LPAR1: variants seen among roughly 807,000 people sequenced by gnomAD.
LPAR1 encodes lysophosphatidic acid receptor 1.
In LPAR1, 5 loss-of-function variants were observed where a neutral mutation model predicts 23.8. The ratio of observed to expected loss-of-function variants is 0.21; its 90% CI spans 0.11 to 0.44. LPAR1 has a LOEUF of 0.44. Among genes scored for constraint, LPAR1 ranks in the 20% least tolerant of loss-of-function variants. LPAR1 has a pLI of 0.99. For missense variants in LPAR1, 311 were observed against 482.8 expected (o/e 0.64, Z 3.33); for synonymous variants, 160 against 164.7 (o/e 0.97, Z 0.22).
chr9:111,004,793 C>T (rs1178608846), intron 2 of LPAR1, among the ~76,000 whole-genome samples: 1 of 152,200 alleles, frequency 6.6e-6, no homozygotes, highest in Non-Finnish European at 1.5e-5. Flanking sequence ...ATTCCACAGA[C>T]ACTTATAGTC....
At chr9:110,973,844 C>T (rs2096489138) in intron 2 of LPAR1, among the ~76,000 whole-genome samples, 1 of 152,086 alleles carries the variant, frequency 6.6e-6, no homozygotes, top group Admixed American at 6.5e-5. Context: ...TGGTGATGTT[C>T]ATACTCCCTA....
intron 2 of LPAR1, among the ~76,000 whole-genome samples, chr9:110,979,834 A>G (rs1466367442): frequency 6.6e-6 from 1 of 152,150 alleles, no homozygotes; most frequent in Non-Finnish European, 1.5e-5. Flanking sequence ...GGAGAAAAAA[A>G]GGAATTCCTG....
chr9:111,003,383 G>A (rs899509577), intron 2 of LPAR1, among the ~76,000 whole-genome samples: 6 of 152,046 alleles, frequency 3.9e-5, no homozygotes, highest in Non-Finnish European at 7.4e-5. Context: ...GTAAAAGCCC[G>A]CAAGAGTGAG....
At position 110,941,124 on chromosome 9, in the gene LPAR1, G is replaced by A. The variant is rs1436984762; in HGVS notation, c.793+297C>T. On this transcript the variant is annotated intron_variant, in intron 5 of 5. Transcript: ENST00000683809. The surrounding 1 kb of genome is among the most constrained non-coding windows in gnomAD (Gnocchi z 6.1). The stretch of plus-strand genomic sequence containing the variant: ...TTTAGGCTGTAAGAAAAATGAATGA[G>A]TTTGACTGGTAATTCTGGTATTTTC... Among the ~76,000 whole-genome samples the A allele has an allele frequency of 8.5e-5, 13 of 152,150 alleles. No individual in the cohort carries two copies. The highest frequency in any genetic ancestry group is 8.5e-4 in the Admixed American group (13 of 15,264).
At chr9:111,018,465 A>G (rs1022175597) in intron 2 of LPAR1, among the ~76,000 whole-genome samples, 2 of 152,250 alleles carry the variant, frequency 1.3e-5, no homozygotes, top group Non-Finnish European at 2.9e-5. Flanking sequence ...TGAGTTCACT[A>G]TAACAGTAGC....
intron 2 of LPAR1, among the ~76,000 whole-genome samples, chr9:110,997,743 A>C (rs1215518158): frequency 1.3e-5 from 2 of 152,232 alleles, no homozygotes; most frequent in Non-Finnish European, 2.9e-5. Context: ...GAACAAACGT[A>C]TTATATTCTA....
At chr9:110,922,473 G>A (rs2093695569) in intron 5 of LPAR1, among the ~76,000 whole-genome samples, 1 of 152,134 alleles carries the variant, frequency 6.6e-6, no homozygotes, top group Non-Finnish European at 1.5e-5. Context: ...GTTGTGCAGT[G>A]CCCAACAGGT....
At chr9:111,037,421 T>G (rs565759894) in intron 1 of LPAR1, among the ~76,000 whole-genome samples, 1 of 152,264 alleles carries the variant, frequency 6.6e-6, no homozygotes, top group East Asian at 1.9e-4. Flanking sequence ...CCTTCACTCT[T>G]AACATTGCAA....
In LPAR1 at chr9:111,030,449, C is replaced by T. The variant is rs546502223; in HGVS notation, c.-182+5673G>A. Among the ~76,000 whole-genome samples, 260 of 152,234 alleles carry T rather than the reference C, an allele frequency of 1.7e-3. 3 individuals carry two copies. The highest frequency in any genetic ancestry group is 4.6e-4 in the African/African-American group (19 of 41,554). On this transcript the variant is annotated intron_variant, in intron 2 of 5. Coordinates refer to ENST00000683809, the MANE Select transcript of LPAR1 (RefSeq NM_001351411.2). Reference sequence around the variant, plus strand: ...ATCTGCTGATTACAGACTTCCAAGGCGGGGGTCCTCACTGAATACTCCTAC... The same window carrying T: ...ATCTGCTGATTACAGACTTCCAAGGTGGGGGTCCTCACTGAATACTCCTAC...
intron 4 of LPAR1, among the ~76,000 whole-genome samples, chr9:110,945,703 G>T (rs1005289975): frequency 3.9e-5 from 6 of 152,160 alleles, no homozygotes; most frequent in African/African-American, 9.6e-5. Flanking sequence ...GGAAGGCAAA[G>T]CTCTGTTTCT....
chr9:110,951,781 C>G (rs2095576993), intron 4 of LPAR1, among the ~76,000 whole-genome samples: 1 of 151,826 alleles, frequency 6.6e-6, no homozygotes, highest in African/African-American at 2.4e-5. Context: ...AAAAAAAAAT[C>G]ACACATGTGC....
intron 5 of LPAR1, among the ~76,000 whole-genome samples, chr9:110,922,539 T>C (rs2093699926): frequency 6.6e-6 from 1 of 152,164 alleles, no homozygotes; most frequent in Non-Finnish European, 1.5e-5. Context: ...TTCTTTCAAT[T>C]TATATGGTTT....
chr9:110,992,550 G>T (rs1165414927), intron 2 of LPAR1, among the ~76,000 whole-genome samples: 2 of 152,136 alleles, frequency 1.3e-5, no homozygotes. Flanking sequence ...GCTTCTAGTA[G>T]TTTTATCTGT....
intron 4 of LPAR1, among the ~76,000 whole-genome samples, chr9:110,966,592 ACTTAAAG>A: frequency 6.6e-6 from 1 of 152,122 alleles, no homozygotes; most frequent in African/African-American, 2.4e-5. Context: ...GTATCCCAGA[ACTTAAAG>A]TAAAATATTT....
intron 2 of LPAR1, among the ~76,000 whole-genome samples, chr9:111,032,143 T>A (rs554122486): frequency 2.6e-5 from 4 of 152,264 alleles, no homozygotes; most frequent in African/African-American, 9.6e-5. Context: ...AAAACTAGAA[T>A]TACCAACCAG....
At chr9:111,007,695 G>A (rs2097248690) in intron 2 of LPAR1, among the ~76,000 whole-genome samples, 1 of 152,148 alleles carries the variant, frequency 6.6e-6, no homozygotes, top group Non-Finnish European at 1.5e-5. Flanking sequence ...TCCTGTCCCT[G>A]AAGGATGATT....
chr9:110,955,353 T>C (rs1232244819), intron 4 of LPAR1, among the ~76,000 whole-genome samples: 1 of 152,156 alleles, frequency 6.6e-6, no homozygotes, highest in Non-Finnish European at 1.5e-5. Flanking sequence ...GGTCATTACA[T>C]AACGATAAAG....
intron 2 of LPAR1, among the ~76,000 whole-genome samples, chr9:111,020,881 T>C (rs150662377): frequency 6.6e-6 from 1 of 151,908 alleles, no homozygotes; most frequent in African/African-American, 2.4e-5. Flanking sequence ...CTAAGTAAAA[T>C]CTCCAGAGTT....
chr9:110,946,322 C>T (rs1160524296), intron 4 of LPAR1, among the ~76,000 whole-genome samples: 1 of 151,948 alleles, frequency 6.6e-6, no homozygotes, highest in Admixed American at 6.6e-5. Flanking sequence ...AGAAAGGTCT[C>T]AGATTAGTGA....
Sources: allele counts gnomAD v4.1 joint callset (sites outside exome capture counted in the v4.1 genomes callset), GRCh38; gene constraint gnomAD v4.1.1; non-coding constraint Gnocchi (gnomAD v3.1); transcripts MANE v1.5; gene names NCBI Gene and HGNC (gene_info 2026-07-23, HGNC 2026-07-21).